ZFYVE28: variants seen among roughly 807,000 people sequenced by gnomAD.
ZFYVE28 encodes lateral signaling target protein 2 homolog.
ZFYVE28 carries 40 observed loss-of-function variants against 82.1 expected under a neutral mutation model. The observed-to-expected ratio is 0.49, with a 90% CI of 0.38 to 0.63. The LOEUF (loss-of-function observed/expected upper bound fraction) is 0.63, where lower values mean the gene tolerates loss of function less well. Among genes scored for constraint, ZFYVE28 ranks in the 30% least tolerant of loss-of-function variants. The probability of loss-of-function intolerance (pLI) is 0.00; values close to 1 mark genes in which losing one functional copy is unlikely to be tolerated. For missense variants in ZFYVE28, 1,321 were observed against 1,242.1 expected, an observed-to-expected ratio of 1.06 and a Z score of -0.96; for synonymous variants, 612 against 546.1, an observed-to-expected ratio of 1.12 and a Z score of -1.68.
At chr4:2,398,447 A>T (rs867563658) in intron 1 of ZFYVE28, among the ~76,000 whole-genome samples, 44 of 152,180 alleles carry the variant, frequency 2.9e-4, no homozygotes, top group African/African-American at 1.0e-3. Context: ...TGCTTTAGAG[A>T]CAGGAGAGGT....
chr4:2,340,217 CAG>C (rs1722570438), intron 3 of ZFYVE28, among the ~76,000 whole-genome samples: 1 of 152,164 alleles, frequency 6.6e-6, no homozygotes, highest in South Asian at 2.1e-4. Flanking sequence ...CCCCGGAACG[CAG>C]ACTCATCAGT....
intron 8 of ZFYVE28, among the ~76,000 whole-genome samples, chr4:2,291,671 G>A (rs1156943380): frequency 6.6e-6 from 1 of 152,196 alleles, no homozygotes; most frequent in African/African-American, 2.4e-5. Flanking sequence ...TGCACCTCAA[G>A]GGGCAGCACT....
At chr4:2,322,782 T>G (rs1309028998) in intron 6 of ZFYVE28, among the ~76,000 whole-genome samples, 2 of 152,220 alleles carry the variant, frequency 1.3e-5, no homozygotes, top group Admixed American at 6.5e-5. Context: ...ATCCCTCATC[T>G]GCTTTCTGTC....
chr4:2,321,134 C>A (rs1163185955), intron 6 of ZFYVE28, among the ~76,000 whole-genome samples: 1 of 152,112 alleles, frequency 6.6e-6, no homozygotes, highest in Non-Finnish European at 1.5e-5. Context: ...TGGGGAGCAT[C>A]CACCCACGAA....
At position 2,335,331 on chromosome 4, in the gene ZFYVE28, C is replaced by A. The variant is rs976367888; in HGVS notation, c.701+374G>T. 6.6e-6 allele frequency among the ~76,000 whole-genome samples: 1 copy of A among 152,210 alleles called. No individual in the cohort carries two copies. The highest frequency in any genetic ancestry group is 2.4e-5 in the African/African-American group (1 of 41,472). On this transcript the variant is annotated intron_variant, in intron 6 of 12. Coordinates refer to ENST00000290974, the MANE Select transcript of ZFYVE28 (RefSeq NM_020972.3). The surrounding 1 kb of genome is among the most constrained non-coding windows in gnomAD (Gnocchi z 5.8). ...GCTCGTCCTCTTGTTACCACCAAGTCTGCCTCCCACAGCCCCTGCGTGGCC... is the reference window on the plus strand; with the variant it reads ...GCTCGTCCTCTTGTTACCACCAAGTATGCCTCCCACAGCCCCTGCGTGGCC...
At chr4:2,330,628 T>G (rs1178390148) in intron 6 of ZFYVE28, 13 of 1,343,268 alleles carry the variant, frequency 9.7e-6, no homozygotes, top group East Asian at 6.2e-5. Context: ...GGGGACAGCA[T>G]AGAGGAGGGG....
intron 1 of ZFYVE28, among the ~76,000 whole-genome samples, chr4:2,359,011 G>A (rs1725741309): frequency 7.3e-6 from 1 of 136,330 alleles, no homozygotes; most frequent in Non-Finnish European, 1.5e-5. Context: ...GTCTCGCTCT[G>A]TCGCCCAGGC....
intron 1 of ZFYVE28, among the ~76,000 whole-genome samples, chr4:2,407,377 G>A (rs1008723637): frequency 2.0e-5 from 3 of 151,902 alleles, no homozygotes; most frequent in African/African-American, 7.3e-5. Context: ...AGCCAGTCCA[G>A]CAGAGGCCCC....
intron 1 of ZFYVE28, among the ~76,000 whole-genome samples, chr4:2,365,319 A>G (rs17132464): frequency 0.33 from 50,745 of 151,762 alleles, 9,094 homozygotes; most frequent in East Asian, 0.47. Context: ...CTGTCACTCG[A>G]GCCTGGAGCG....
rs957896041 is a variant in ZFYVE28, at chr4:2,335,383, T to G, written c.701+322A>C. On this transcript the variant is annotated intron_variant, in intron 6 of 12. Coordinates refer to ENST00000290974, the MANE Select transcript of ZFYVE28 (RefSeq NM_020972.3). This position sits in a 1 kb window ranked among gnomAD's most constrained non-coding sequence, Gnocchi z 5.8. ...CTCTGTTCCGAGCATGACCCCTGTG[T>G]GACCCTCATGGTCTCCTGTGACTAA... is the stretch of plus-strand genomic sequence containing the variant. 1.3e-5 allele frequency among the ~76,000 whole-genome samples: 2 copies of G among 152,198 alleles called. No homozygotes were observed. Among genetic ancestry groups the G allele is most frequent in the Non-Finnish European group, 1.5e-5 (1 of 68,028 alleles).
intron 1 of ZFYVE28, among the ~76,000 whole-genome samples, chr4:2,386,266 C>A (rs1321061770): frequency 6.6e-6 from 1 of 152,160 alleles, no homozygotes; most frequent in African/African-American, 2.4e-5. Flanking sequence ...GGGTGGATCA[C>A]CTGAGGTCAG....
chr4:2,376,511 C>T (rs1305910637), intron 1 of ZFYVE28, among the ~76,000 whole-genome samples: 1 of 151,716 alleles, frequency 6.6e-6, no homozygotes, highest in Non-Finnish European at 1.5e-5. Context: ...TTCTGCATGG[C>T]TGGGGAGGCC....
rs142096366 is a variant in ZFYVE28 at position 2,304,502 on chromosome 4, G to A, written c.1838C>T (p.Ala613Val). 283 of 1,612,468 alleles carry A rather than the reference G, an allele frequency of 1.8e-4. 2 individuals carry two copies. Among genetic ancestry groups the A allele is most frequent in the African/African-American group, 1.5e-3 (112 of 75,046 alleles). The change falls in exon 8 of 13, where the codon GCG (alanine) becomes GTG (valine). Residue 613 changes from alanine to valine, a missense_variant. Transcript: ENST00000290974. ...GGAGGCATCTTCTGAGGGTGGGGGC[G>A]CCTCCTCCTGTCTCTCAGGGGCCCT... ...SDRAPERQEEAPPPSEDASNG... is the reference protein window; with the variant it reads ...SDRAPERQEEVPPPSEDASNG...
Position 2,271,352 on chromosome 4 carries a change from T to C in ZFYVE28, c.2491A>G (p.Thr831Ala). 1 of 1,612,758 alleles carries C rather than the reference T, an allele frequency of 6.2e-7. No individual in the cohort carries two copies. Among genetic ancestry groups the C allele is most frequent in the Non-Finnish European group, 8.5e-7 (1 of 1,179,944 alleles). Residue 831 changes from threonine to alanine, a missense_variant, in exon 12 of 13, where the codon ACC becomes GCC. Physicochemically the swap from Thr to Ala is moderately conservative, Grantham distance 58 (BLOSUM62 0). Coordinates refer to ENST00000290974, the MANE Select transcript of ZFYVE28 (RefSeq NM_020972.3). ...GFCTACKAPF[T>A]VIRRKHHCRS... ...CAGTGGTGCTTCCGGCGGATGACGG[T>C]GAAGGGTGCTTTGCACGCCGTGCAG...
At chr4:2,297,489 G>C (rs915645869) in intron 8 of ZFYVE28, among the ~76,000 whole-genome samples, 2 of 152,234 alleles carry the variant, frequency 1.3e-5, no homozygotes, top group Non-Finnish European at 2.9e-5. Context: ...CCCACTGTCC[G>C]GGAGCGAGGT....
chr4:2,322,009 C>A (rs955024080), intron 6 of ZFYVE28, among the ~76,000 whole-genome samples: 2 of 152,156 alleles, frequency 1.3e-5, no homozygotes, highest in African/African-American at 4.8e-5. Context: ...TGGGAGCCTG[C>A]GGGGACCCAA....
chr4:2,302,630 C>T (rs1255877363), intron 8 of ZFYVE28, among the ~76,000 whole-genome samples: 1 of 152,258 alleles, frequency 6.6e-6, no homozygotes, highest in Non-Finnish European at 1.5e-5. Context: ...CACAGGGATC[C>T]ACCCAGATGA....
intron 1 of ZFYVE28, among the ~76,000 whole-genome samples, chr4:2,395,517 C>T (rs370192669): frequency 5.3e-5 from 8 of 152,272 alleles, no homozygotes; most frequent in East Asian, 3.9e-4. Context: ...GTGGGGACTC[C>T]GGCCCCTGCT....
intron 2 of ZFYVE28, among the ~76,000 whole-genome samples, chr4:2,344,415 G>A (rs1723222860): frequency 6.6e-6 from 1 of 152,198 alleles, no homozygotes; most frequent in Admixed American, 6.5e-5. Flanking sequence ...CTGCCTCCAT[G>A]TGAACAGCAG....
Sources: gnomAD v4.1 joint callset for allele counts (sites outside exome capture counted in the v4.1 genomes callset) on GRCh38, gnomAD v4.1.1 for gene constraint, Gnocchi (gnomAD v3.1) non-coding constraint, MANE v1.5 for transcripts, NCBI Gene and HGNC (gene_info 2026-07-23, HGNC 2026-07-21) for gene names.